Variants in CBFA2T3 observed in about 807,000 individuals in gnomAD.
The protein encoded by CBFA2T3 is transcriptional corepressor CBFA2T3.
A neutral mutation model predicts 58.6 loss-of-function variants in CBFA2T3; 31 were observed. That is an observed-to-expected ratio of 0.53 (90% CI 0.40 to 0.71). The LOEUF is 0.71. Among genes scored for constraint, CBFA2T3 ranks in the 30% least tolerant of loss-of-function variants. The probability of loss-of-function intolerance (pLI) is 0.00; values close to 1 mark genes in which losing one functional copy is unlikely to be tolerated. For missense variants in CBFA2T3, 1,076 were observed against 963.1 expected, an observed-to-expected ratio of 1.12 and a Z score of -1.55; for synonymous variants, 531 against 421.9, an observed-to-expected ratio of 1.26 and a Z score of -3.17.
At chr16:88,947,373 A>G (rs996659781) in intron 1 of CBFA2T3, among the ~76,000 whole-genome samples, 2 of 152,346 alleles carry the variant, frequency 1.3e-5, no homozygotes, top group East Asian at 3.9e-4. Flanking sequence ...GAATCTCTAC[A>G]TGGCCCTTCT....
chr16:88,906,808 C>A (rs1970354208), intron 1 of CBFA2T3, among the ~76,000 whole-genome samples: 1 of 152,202 alleles, frequency 6.6e-6, no homozygotes, highest in Non-Finnish European at 1.5e-5. Context: ...AGGGCATGTG[C>A]CTGCAGCCCC....
At chr16:88,894,217 C>T (rs575467123) in intron 3 of CBFA2T3, among the ~76,000 whole-genome samples, 6 of 135,152 alleles carry the variant, frequency 4.4e-5, no homozygotes, top group East Asian at 2.2e-4. Context: ...CACACATGCA[C>T]GCACACATGC....
chr16:88,895,827 G>C (rs1177436028), intron 3 of CBFA2T3, among the ~76,000 whole-genome samples: 1 of 152,184 alleles, frequency 6.6e-6, no homozygotes, highest in Non-Finnish European at 1.5e-5. Flanking sequence ...AGCTGCCCTG[G>C]TTAGGAGTGA....
Position 88,885,772 on chromosome 16 carries a change from C to G in CBFA2T3, c.893+189G>C. On this transcript the variant is annotated intron_variant, in intron 6 of 11. Coordinates refer to ENST00000268679, the MANE Select transcript of CBFA2T3 (RefSeq NM_005187.6). The surrounding 1 kb of genome is among the most constrained non-coding windows in gnomAD (Gnocchi z 5.3). ...CCGGAGCATCTGAGTCTGCAGCCCA[C>G]TGGGGTGTCCGCCCGTGCAGCCACC... is the stretch of plus-strand genomic sequence containing the variant. 1.7e-6 allele frequency: 1 copy of G among 594,132 alleles called. No individual in the cohort carries two copies. Among genetic ancestry groups the G allele is most frequent in the Non-Finnish European group, 3.0e-6 (1 of 335,070 alleles). The allele number at this position is 594,132 out of a possible 1,614,324, so 36.8% of individuals were successfully genotyped here. A position where few individuals can be genotyped will look rare whatever the true frequency, so the allele number is the denominator to read the frequency against.
At position 88,886,015 on chromosome 16, in the gene CBFA2T3, G is replaced by A. The variant is rs143704547; in HGVS notation, c.839C>T (p.Ser280Phe). The change falls in exon 6 of 12, where the codon TCC becomes TTC. Residue 280 changes from serine (S) to phenylalanine (F), a missense_variant. Coordinates refer to ENST00000268679, the MANE Select transcript of CBFA2T3 (RefSeq NM_005187.6). ...LDASASSPID[S>F]SELLLEVNEN... Reference sequence around the variant, plus strand: ...GTTGACTTCCAGTAGCAGCTCTGAGGAGTCGATGGGGGAGGAGGCGCTGGC... The same window carrying A: ...GTTGACTTCCAGTAGCAGCTCTGAGAAGTCGATGGGGGAGGAGGCGCTGGC... 2 of 1,563,214 alleles carry A rather than the reference G, an allele frequency of 1.3e-6. No individual in the cohort carries two copies. The highest frequency in any genetic ancestry group is 1.3e-5 in the African/African-American group (1 of 74,380).
At chr16:88,951,492 C>A in intron 1 of CBFA2T3, 1 of 369,968 alleles carries the variant, frequency 2.7e-6, no homozygotes, top group Admixed American at 3.7e-5. Context: ...TTCATCTTTG[C>A]TTTTTTAAAT....
intron 2 of CBFA2T3, among the ~76,000 whole-genome samples, chr16:88,900,101 C>T (rs915652068): frequency 3.3e-5 from 5 of 152,166 alleles, no homozygotes; most frequent in South Asian, 2.1e-4. Context: ...CTGGGCCCGC[C>T]GTCCCCCAGG....
At chr16:88,877,560 G>A (rs1170714911) in intron 11 of CBFA2T3, among the ~76,000 whole-genome samples, 1 of 152,160 alleles carries the variant, frequency 6.6e-6, no homozygotes, top group East Asian at 1.9e-4. Flanking sequence ...GCCCTCCTGA[G>A]CTCACCAGGC....
Position 88,886,080 on chromosome 16 carries a change from G to A in CBFA2T3, c.774C>T (p.Pro258=), listed in dbSNP as rs777796544. The change falls in exon 6 of 12, where the codon CCC becomes CCT. Residue 258 remains proline (P), a synonymous_variant. Transcript: ENST00000268679. ...GCTCATGCTGGGCCAAGTACTGGGC[G>A]GGCGTCTGCTTGGCCAGGCGTGCAC... ...LHCARLAKQT[P]AQYLAQHEQL... 2.8e-5 allele frequency: 45 copies of A among 1,591,422 alleles called. No individual in the cohort carries two copies. The highest frequency in any genetic ancestry group is 2.8e-4 in the Admixed American group (16 of 57,878).
At chr16:88,898,324 T>G (rs1280060631) in intron 2 of CBFA2T3, among the ~76,000 whole-genome samples, 172 bp from the exon 3 acceptor site, 1 of 149,478 alleles carries the variant, frequency 6.7e-6, no homozygotes, top group African/African-American at 2.5e-5. Context: ...CTTCTCAGAG[T>G]GATTTTTGAT....
Position 88,877,014 on chromosome 16 carries a change from G to A in CBFA2T3, c.1924C>T (p.Pro642Ser), listed in dbSNP as rs1442286311. 7.4e-6 allele frequency: 11 copies of A among 1,477,232 alleles called. No homozygotes were observed. The South Asian group carries it at 1.2e-4, about 16-fold the overall frequency. The allele number at this position is 1,477,232 out of a possible 1,614,324, so 91.5% of individuals were successfully genotyped here. A position where few individuals can be genotyped will look rare whatever the true frequency, so the allele number is the denominator to read the frequency against. The part of the protein sequence containing the change: ...GSAGPSRPGS[P>S]SPPGPLDTVP... ...GTGTCCAGTGGGCCAGGTGGGCTGG[G>A]GGAGCCGGGGCGAGAAGGCCCCGCA... Residue 642 changes from proline to serine, a missense_variant, in exon 12 of 12, where the codon CCC becomes TCC. Coordinates refer to ENST00000268679, the MANE Select transcript of CBFA2T3 (RefSeq NM_005187.6).
intron 1 of CBFA2T3, among the ~76,000 whole-genome samples, chr16:88,942,319 A>G (rs1028153801): frequency 1.3e-5 from 2 of 152,160 alleles, no homozygotes; most frequent in African/African-American, 4.8e-5. Context: ...TTTAGACACA[A>G]GCGGCTGGGG....
intron 1 of CBFA2T3, among the ~76,000 whole-genome samples, chr16:88,930,547 G>C (rs1251970362): frequency 6.6e-6 from 1 of 151,754 alleles, no homozygotes. Flanking sequence ...CCAGTGCGGG[G>C]AGCCACGAAG....
At chr16:88,945,966 A>G (rs186698742) in intron 1 of CBFA2T3, among the ~76,000 whole-genome samples, 13 of 152,324 alleles carry the variant, frequency 8.5e-5, no homozygotes, top group African/African-American at 3.1e-4. Flanking sequence ...TATGTAGACG[A>G]TAGAGTGTTA....
intron 1 of CBFA2T3, chr16:88,940,953 G>A: frequency 3.7e-6 from 3 of 819,528 alleles, no homozygotes; most frequent in Non-Finnish European, 3.0e-6. Flanking sequence ...CGCAGATCCG[G>A]GAACGGCAGC....
intron 1 of CBFA2T3, among the ~76,000 whole-genome samples, chr16:88,921,880 T>C (rs1191214572): frequency 2.6e-5 from 4 of 152,214 alleles, no homozygotes; most frequent in Admixed American, 1.3e-4. Flanking sequence ...CTTCATTAAA[T>C]GTCTACCTGG....
intron 10 of CBFA2T3, chr16:88,879,951 G>C (rs905291684): frequency 6.2e-6 from 1 of 161,214 alleles, no homozygotes; most frequent in African/African-American, 2.4e-5. Flanking sequence ...CCACCCAGAC[G>C]CAGCCCAGGA....
At chr16:88,899,859 G>A (rs1970033180) in intron 2 of CBFA2T3, among the ~76,000 whole-genome samples, 1 of 152,158 alleles carries the variant, frequency 6.6e-6, no homozygotes, top group South Asian at 2.1e-4. Context: ...GGGGTATACT[G>A]CAAATTTAAC....
intron 1 of CBFA2T3, among the ~76,000 whole-genome samples, chr16:88,916,115 T>C (rs1368548977): frequency 2.0e-5 from 3 of 151,964 alleles, no homozygotes; most frequent in Non-Finnish European, 2.9e-5. Flanking sequence ...TGTGTGTCCG[T>C]GTATGTGTGC....
Sources: allele counts gnomAD v4.1 joint callset (sites outside exome capture counted in the v4.1 genomes callset), GRCh38; gene constraint gnomAD v4.1.1; non-coding constraint Gnocchi (gnomAD v3.1); transcripts MANE v1.5; gene names NCBI Gene and HGNC (gene_info 2026-07-23, HGNC 2026-07-21).